LRPAP1: variants seen among roughly 807,000 people sequenced by gnomAD.
LRPAP1 encodes LDL receptor related protein associated protein 1, also known as alpha-2-macroglobulin receptor-associated protein.
Under a neutral mutation model 39.9 loss-of-function variants are expected in LRPAP1, and 41 were observed. The observed-to-expected ratio is 1.03, with a 90% confidence interval of 0.80 to 1.33. The LOEUF is 1.33. LRPAP1 is among the 40% of genes most tolerant of loss of function. The probability of loss-of-function intolerance (pLI) is 0.00; values close to 1 mark genes in which losing one functional copy is unlikely to be tolerated. For synonymous variants in LRPAP1, 263 were observed against 212.7 expected, an observed-to-expected ratio of 1.24 and a Z score of -2.06; for missense variants, 565 against 482.3, an observed-to-expected ratio of 1.17 and a Z score of -1.61.
At chr4:3,520,677 G>A (rs1477756312) in intron 2 of LRPAP1, among the ~76,000 whole-genome samples, 1 of 152,250 alleles carries the variant, frequency 6.6e-6, no homozygotes, top group Non-Finnish European at 1.5e-5. Flanking sequence ...CAGGGTGGCA[G>A]GGCTTTCTGA....
intron 1 of LRPAP1, among the ~76,000 whole-genome samples, chr4:3,528,018 G>A (rs945566722): frequency 2.0e-5 from 3 of 152,132 alleles, no homozygotes; most frequent in African/African-American, 7.2e-5. Context: ...CCCCTGATGT[G>A]TGGCTGCCAG....
Position 3,510,321 on chromosome 4 carries a change from T to G in LRPAP1, c.*2653A>C, listed in dbSNP as rs1488565197. 1 of 152,102 alleles carries G rather than the reference T, an allele frequency of 6.6e-6. No homozygotes were observed. Among genetic ancestry groups the G allele is most frequent in the Non-Finnish European group, 1.5e-5 (1 of 68,008 alleles). The allele number at this position is 152,102 out of a possible 1,614,324, so 9.4% of individuals were successfully genotyped here. On this transcript the variant is annotated 3_prime_UTR_variant, in exon 8 of 8. Transcript: ENST00000650182. ...AGCCGGGTGTGGTGACACACGCCTG[T>G]GGTCGCAGCTACTACTCAGGAGACT...
At chr4:3,518,304 G>A in intron 4 of LRPAP1, 112 bp from the exon 5 acceptor site, 1 of 1,180,896 alleles carries the variant, frequency 8.5e-7, no homozygotes, top group Non-Finnish European at 1.2e-6. Context: ...TCATTTCTGG[G>A]CTGAAAATGT....
intron 7 of LRPAP1, among the ~76,000 whole-genome samples, chr4:3,514,314 C>T (rs567434793): frequency 1.3e-5 from 2 of 152,374 alleles, no homozygotes; most frequent in South Asian, 4.1e-4. Context: ...CCAGGGTTTT[C>T]TGTGCCTCTG....
In LRPAP1 at chr4:3,505,538, A is replaced by G. The variant is rs1416911114; in HGVS notation, c.*7436T>C. Among the ~76,000 whole-genome samples, 1 of 152,072 alleles carries G rather than the reference A, an allele frequency of 6.6e-6. No individual in the cohort carries two copies. Among genetic ancestry groups the G allele is most frequent in the Non-Finnish European group, 1.5e-5 (1 of 67,994 alleles). On this transcript the variant is annotated 3_prime_UTR_variant, in exon 8 of 8. Transcript: ENST00000650182. ...GGCCGGAACGTCCCCTGCATCCCCA[A>G]CCACACCTGGCACAACACCATGGCT... is the stretch of plus-strand genomic sequence containing the variant.
chr4:3,520,576 C>A (rs1729881885), intron 2 of LRPAP1, among the ~76,000 whole-genome samples: 1 of 152,234 alleles, frequency 6.6e-6, no homozygotes, highest in South Asian at 2.1e-4. Context: ...ACCAGCTGCA[C>A]AGATTTTCAA....
chr4:3,525,776 G>C (rs2108695719), intron 1 of LRPAP1, among the ~76,000 whole-genome samples: 1 of 152,358 alleles, frequency 6.6e-6, no homozygotes, highest in Admixed American at 6.5e-5. Flanking sequence ...GTGAGAGAAG[G>C]AAGCAAGTGA....
rs1429069543 is a variant in LRPAP1 at position 3,506,055 on chromosome 4, T to A, written c.*6919A>T. Among the ~76,000 whole-genome samples the A allele has an allele frequency of 6.6e-6, 1 of 152,240 alleles. No individual in the cohort carries two copies. Among genetic ancestry groups the A allele is most frequent in the East Asian group, 1.9e-4 (1 of 5,198 alleles). On this transcript the variant is annotated 3_prime_UTR_variant, in exon 8 of 8. Transcript: ENST00000650182. ...TGCATCTCATAATTATTGAGATATT[T>A]TTAAATTTTCAAGCTTTTTTTTTTT...
At chr4:3,519,821 A>G (rs571436474) in intron 3 of LRPAP1, among the ~76,000 whole-genome samples, 2 of 152,372 alleles carry the variant, frequency 1.3e-5, no homozygotes, top group South Asian at 4.1e-4. Context: ...CCTGAGCTGA[A>G]GGTCTGACAG....
At chr4:3,514,399 G>A (rs1577203406) in intron 7 of LRPAP1, among the ~76,000 whole-genome samples, 1 of 151,442 alleles carries the variant, frequency 6.6e-6, no homozygotes, top group Non-Finnish European at 1.5e-5. Context: ...GGGCTGTGGG[G>A]AAGGAGGCTC....
rs754694064 is a variant in LRPAP1, at chr4:3,512,936, C to T, written c.*38G>A. ...CGGCCAAGAGCCCAGGTCCTTCACG[C>T]TGGCCTCTTCCCTGCCGGGCTGGGC... On this transcript the variant is annotated 3_prime_UTR_variant, in exon 8 of 8. Transcript: ENST00000650182. 4.4e-6 allele frequency: 7 copies of T among 1,586,052 alleles called. No individual in the cohort carries two copies. The highest frequency in any genetic ancestry group is 6.0e-6 in the Non-Finnish European group (7 of 1,165,860).
intron 1 of LRPAP1, among the ~76,000 whole-genome samples, chr4:3,529,806 C>T (rs1438000404): frequency 1.3e-5 from 2 of 152,184 alleles, no homozygotes; most frequent in East Asian, 1.9e-4. Context: ...CTCCCTTCAC[C>T]CTATGCCTAC....
intron 1 of LRPAP1, among the ~76,000 whole-genome samples, chr4:3,526,025 C>T (rs937893653): frequency 6.6e-6 from 1 of 152,252 alleles, no homozygotes; most frequent in Non-Finnish European, 1.5e-5. Flanking sequence ...CAGAGTGGCC[C>T]AGCTGTGTGA....
chr4:3,516,598 C>A (rs11725303), intron 5 of LRPAP1, among the ~76,000 whole-genome samples: 2 of 152,150 alleles, frequency 1.3e-5, no homozygotes, highest in African/African-American at 4.8e-5. Context: ...CAGGTCCAGA[C>A]GCAGGCACAG....
intron 1 of LRPAP1, among the ~76,000 whole-genome samples, chr4:3,526,086 T>C (rs573378969): frequency 1.3e-5 from 2 of 152,334 alleles, no homozygotes; most frequent in South Asian, 4.1e-4. Flanking sequence ...CAGGGTGCTG[T>C]CCCTGGCTAA....
In LRPAP1 at chr4:3,513,022, C is replaced by T. The variant is rs1465584849; in HGVS notation, c.1026G>A (p.Leu342=). 6 of 1,612,444 alleles carry T rather than the reference C, an allele frequency of 3.7e-6. No individual in the cohort carries two copies. The highest frequency in any genetic ancestry group is 5.1e-6 in the Non-Finnish European group (6 of 1,179,310). The change falls in exon 8 of 8, where the codon CTG becomes CTA. Residue 342 remains leucine (L), a synonymous_variant. Transcript: ENST00000650182. The stretch of plus-strand genomic sequence containing the variant: ...TGGAGATCCTGCCGGACAGGTCCTG[C>T]AGATGCTTCTTCACCTGTGGACAGA... ...KELGYTVKKH[L]QDLSGRISRA...
At chr4:3,532,146 C>A in intron 1 of LRPAP1, 63 bp downstream of exon 1, 1 of 1,529,952 alleles carries the variant, frequency 6.5e-7, no homozygotes, top group Non-Finnish European at 8.8e-7. Context: ...GGCCCCGCTC[C>A]AACGACCCCA....
rs1334071292 is a variant in LRPAP1 at position 3,516,136 on chromosome 4, T to A, written c.814A>T (p.Lys272Ter). The change falls in exon 6 of 8, where the codon AAG becomes TAG. Residue 272 changes from lysine to a stop codon, truncating the protein, a stop_gained. Transcript: ENST00000650182. LOFTEE classifies it high-confidence loss of function. Reference protein sequence around the residue: ...DLAQSANLTDKELEAFREELK... With the variant: ...DLAQSANLTD ...CTTACCCGGAACGCCTCCAGCTCCT[T>A]GTCCGTGAGGTTGGCGGACTGCGCC... 1 of 1,580,654 alleles carries A rather than the reference T, an allele frequency of 6.3e-7. No individual in the cohort carries two copies. The highest frequency in any genetic ancestry group is 1.3e-5 in the African/African-American group (1 of 74,716).
chr4:3,506,706 T>A lies in LRPAP1; in HGVS notation c.*6268A>T, dbSNP rs371122487. ...TGTTTTTAAGAGGATATATCCTGGTTTGCTGCTGTGTAGTTTCCCCAAAGT... is the reference window on the plus strand; with the variant it reads ...TGTTTTTAAGAGGATATATCCTGGTATGCTGCTGTGTAGTTTCCCCAAAGT... On this transcript the variant is annotated 3_prime_UTR_variant, in exon 8 of 8. Coordinates refer to ENST00000650182, the MANE Select transcript of LRPAP1 (RefSeq NM_002337.4). The A allele has an allele frequency of 3.3e-5, 5 of 152,186 alleles. No homozygotes were observed. Among genetic ancestry groups the A allele is most frequent in the African/African-American group, 1.2e-4 (5 of 41,448 alleles). 9.4% of individuals were successfully genotyped at this position (152,186 alleles called of 1,614,324 possible).
Sources: gnomAD v4.1 joint callset for allele counts (sites outside exome capture counted in the v4.1 genomes callset) on GRCh38, gnomAD v4.1.1 for gene constraint, MANE v1.5 for transcripts, NCBI Gene and HGNC (gene_info 2026-07-23, HGNC 2026-07-21) for gene names.